ADAM18: variants seen among roughly 807,000 people sequenced by gnomAD.
ADAM18 encodes disintegrin and metalloproteinase domain-containing protein 18.
Under a neutral mutation model 94.4 loss-of-function variants are expected in ADAM18, and 117 were observed. That is an observed-to-expected ratio of 1.24 (90% CI 1.07 to 1.45). The LOEUF (loss-of-function observed/expected upper bound fraction) is 1.45. ADAM18 is among the 40% of genes most tolerant of loss of function. ADAM18 has a pLI of 0.00. For missense variants in ADAM18, 936 were observed against 880.0 expected (o/e 1.06, Z -0.81); for synonymous variants, 327 against 291.6 (o/e 1.12, Z -1.24).
At chr8:39,636,545 C>G (rs1820080095) in intron 7 of ADAM18, among the ~76,000 whole-genome samples, 1 of 152,034 alleles carries the variant, frequency 6.6e-6, no homozygotes, top group Admixed American at 6.6e-5. Flanking sequence ...TATATCTTCT[C>G]TCTAACCTTT....
At chr8:39,722,546 T>C (rs1822789802) in intron 18 of ADAM18, among the ~76,000 whole-genome samples, 1 of 151,230 alleles carries the variant, frequency 6.6e-6, no homozygotes, top group South Asian at 2.1e-4. Flanking sequence ...GAAAGAGATA[T>C]GAAGGGTGAA....
Position 39,723,903 on chromosome 8 carries a change from A to G in ADAM18, c.2173A>G (p.Asn725Asp). The change falls in exon 19 of 20, where the codon AAT (asparagine) becomes GAT (aspartate). Residue 725 changes from asparagine to aspartate, a missense_variant. Transcript: ENST00000265707. ...KSCNRENAEY[N>D]RNSSVVSESD... Reference sequence around the variant, plus strand: ...ATGTAACAGAGAGAATGCAGAGTATAATCGGTAAATATGATATAGAATCAA... The same window carrying G: ...ATGTAACAGAGAGAATGCAGAGTATGATCGGTAAATATGATATAGAATCAA... 6.6e-7 allele frequency: 1 copy of G among 1,508,686 alleles called. No homozygotes were observed. The highest frequency in any genetic ancestry group is 2.4e-5 in the East Asian group (1 of 41,766). 93.5% of individuals were successfully genotyped at this position (1,508,686 alleles called of 1,614,324 possible). A position where few individuals can be genotyped will look rare whatever the true frequency, so the allele number is the denominator to read the frequency against.
intron 14 of ADAM18, among the ~76,000 whole-genome samples, chr8:39,668,875 G>A (rs1271510373): frequency 6.6e-6 from 1 of 151,984 alleles, no homozygotes; most frequent in East Asian, 1.9e-4. Flanking sequence ...GTAAGCTCAG[G>A]AATATAATTT....
chr8:39,663,722 T>A, intron 12 of ADAM18, 73 bp from the exon 13 acceptor site: 1 of 932,890 alleles, frequency 1.1e-6, no homozygotes, highest in South Asian at 1.4e-5. Context: ...AATATTAAAT[T>A]GAAATTGAGA....
At chr8:39,721,433 AG>A in intron 18 of ADAM18, among the ~76,000 whole-genome samples, 2 of 151,752 alleles carry the variant, frequency 1.3e-5, no homozygotes, top group South Asian at 4.1e-4. Flanking sequence ...TAACCTAAAA[AG>A]CATCTGCAAA....
chr8:39,624,702 C>T (rs1460079935), intron 6 of ADAM18, among the ~76,000 whole-genome samples: 2 of 152,278 alleles, frequency 1.3e-5, no homozygotes, highest in Non-Finnish European at 2.9e-5. Context: ...GATTAGATCA[C>T]GGAGGTGGTT....
At chr8:39,724,604 T>C (rs1822849277) in intron 19 of ADAM18, among the ~76,000 whole-genome samples, 1 of 151,854 alleles carries the variant, frequency 6.6e-6, no homozygotes, top group African/African-American at 2.4e-5. Context: ...TTTTCCTTGC[T>C]TGGGGATTGG....
chr8:39,656,368 C>T (rs779343033), intron 12 of ADAM18, among the ~76,000 whole-genome samples: 2 of 151,932 alleles, frequency 1.3e-5, no homozygotes, highest in Non-Finnish European at 2.9e-5. Context: ...ACAAAAAGGA[C>T]AGAGGAATGC....
intron 17 of ADAM18, among the ~76,000 whole-genome samples, chr8:39,701,088 A>G (rs1822059559): frequency 8.4e-6 from 1 of 119,256 alleles, no homozygotes; most frequent in African/African-American, 3.0e-5. Context: ...ACTGCACTCC[A>G]GCCTGGGCGA....
At chr8:39,597,186 T>C (rs1818767968) in intron 2 of ADAM18, among the ~76,000 whole-genome samples, 1 of 152,166 alleles carries the variant, frequency 6.6e-6, no homozygotes, top group African/African-American at 2.4e-5. Flanking sequence ...TCCTTTATCA[T>C]ATAGGCCTTT....
chr8:39,674,615 C>T (rs1224997273), intron 14 of ADAM18, among the ~76,000 whole-genome samples: 1 of 152,138 alleles, frequency 6.6e-6, no homozygotes, highest in Non-Finnish European at 1.5e-5. Flanking sequence ...GCATTTAGCC[C>T]ATTTACATTT....
At chr8:39,702,494 C>A (rs1237234823) in intron 17 of ADAM18, among the ~76,000 whole-genome samples, 3 of 152,012 alleles carry the variant, frequency 2.0e-5, no homozygotes, top group Non-Finnish European at 2.9e-5. Context: ...TTGATAATAT[C>A]CCATTTGTCA....
intron 2 of ADAM18, among the ~76,000 whole-genome samples, chr8:39,595,611 C>G (rs770827047): frequency 6.6e-6 from 1 of 152,134 alleles, no homozygotes; most frequent in Non-Finnish European, 1.5e-5. Flanking sequence ...ACCTCTGCCT[C>G]AGAGGTTTCA....
intron 12 of ADAM18, 100 bp downstream of exon 12, chr8:39,648,627 C>A: frequency 1.9e-6 from 2 of 1,053,576 alleles, no homozygotes; most frequent in Admixed American, 3.3e-5. Flanking sequence ...TGCAACAATG[C>A]CATTAATTTA....
intron 2 of ADAM18, among the ~76,000 whole-genome samples, chr8:39,593,858 A>G (rs1005875732): frequency 2.6e-5 from 4 of 152,164 alleles, no homozygotes; most frequent in Non-Finnish European, 5.9e-5. Context: ...TTTACATGAT[A>G]AGTTTTCTTC....
intron 2 of ADAM18, among the ~76,000 whole-genome samples, chr8:39,605,323 GT>G (rs1424597541): frequency 2.0e-5 from 3 of 152,156 alleles, no homozygotes; most frequent in Non-Finnish European, 4.4e-5. Flanking sequence ...ATCACCTGCT[GT>G]TTCTGGATGC....
At chr8:39,651,298 A>T (rs563557393) in intron 12 of ADAM18, among the ~76,000 whole-genome samples, 2 of 152,268 alleles carry the variant, frequency 1.3e-5, no homozygotes, top group East Asian at 3.9e-4. Flanking sequence ...TCTCAACTGC[A>T]AAAAGGCCTT....
chr8:39,608,894 C>T, intron 3 of ADAM18, 148 bp from the exon 4 acceptor site: 1 of 579,640 alleles, frequency 1.7e-6, no homozygotes, highest in East Asian at 3.1e-5. Flanking sequence ...TGAATTTCAA[C>T]TGTTATGCCT....
intron 11 of ADAM18, among the ~76,000 whole-genome samples, chr8:39,647,508 C>T (rs1305985574): frequency 6.6e-6 from 1 of 152,108 alleles, no homozygotes; most frequent in Admixed American, 6.5e-5. Flanking sequence ...CAGTGGCCTT[C>T]CTCTATCTCA....
Sources: allele counts gnomAD v4.1 joint callset (sites outside exome capture counted in the v4.1 genomes callset), GRCh38; gene constraint gnomAD v4.1.1; transcripts MANE v1.5; gene names NCBI Gene and HGNC (gene_info 2026-07-23, HGNC 2026-07-21).